The following TENM3 variants were observed in gnomAD, a reference collection of about 807,000 sequenced individuals.
TENM3 encodes the protein teneurin transmembrane protein 3, also known as teneurin-3.
A neutral mutation model predicts 255.1 loss-of-function variants in TENM3; 63 were observed. The observed-to-expected ratio is 0.25, with a 90% confidence interval of 0.20 to 0.30. The LOEUF (loss-of-function observed/expected upper bound fraction) is 0.30, where lower values mean the gene tolerates loss of function less well. Among genes scored for constraint, TENM3 ranks in the 10% least tolerant of loss-of-function variants. The pLI is 1.00. For missense variants in TENM3, 2,929 were observed against 3,461.1 expected (o/e 0.85, Z 3.86); for synonymous variants, 1,306 against 1,322.3 (o/e 0.99, Z 0.27).
At chr4:182,774,133 C>G (rs996804604) in intron 23 of TENM3, among the ~76,000 whole-genome samples, 1 of 152,172 alleles carries the variant, frequency 6.6e-6, no homozygotes, top group Non-Finnish European at 1.5e-5. Flanking sequence ...CATATAGATG[C>G]CATATCTCCA....
the TENM3 span, among the ~76,000 whole-genome samples, chr4:181,749,871 G>A: frequency 5.8e-3 from 879 of 152,204 alleles, 5 homozygotes; most frequent in Middle Eastern, 0.034. Context: ...TCTTAAAGGG[G>A]CTCCTTTAAG....
the TENM3 span, among the ~76,000 whole-genome samples, chr4:181,655,707 G>A: frequency 8.5e-5 from 13 of 152,198 alleles, no homozygotes; most frequent in African/African-American, 2.7e-4. Flanking sequence ...GTATAATGGA[G>A]TTTCAGGTAA....
the TENM3 span, among the ~76,000 whole-genome samples, chr4:181,605,949 C>T: frequency 2.6e-5 from 4 of 152,106 alleles, no homozygotes; most frequent in African/African-American, 7.2e-5. Flanking sequence ...TAATTTGGAC[C>T]GTCCACATCA....
At chr4:182,103,286 C>T in the TENM3 span, among the ~76,000 whole-genome samples, 19 of 152,112 alleles carry the variant, frequency 1.2e-4, no homozygotes, top group African/African-American at 9.7e-5. Flanking sequence ...TTAATATTGC[C>T]GAAGGCACTA....
the TENM3 span, among the ~76,000 whole-genome samples, chr4:181,637,986 A>G: frequency 6.6e-6 from 1 of 152,148 alleles, no homozygotes; most frequent in Non-Finnish European, 1.5e-5. Flanking sequence ...AGGGGTTTGG[A>G]CCACACGCAG....
At chr4:182,787,150 C>T (rs1359744706) in intron 24 of TENM3, among the ~76,000 whole-genome samples, 1 of 152,220 alleles carries the variant, frequency 6.6e-6, no homozygotes, top group Non-Finnish European at 1.5e-5. Context: ...CAGGGAGCAA[C>T]TGATATGCAG....
chr4:182,242,588 C>A (rs1012903462), upstream of TENM3, among the ~76,000 whole-genome samples: 4 of 151,964 alleles, frequency 2.6e-5, no homozygotes, highest in Admixed American at 2.6e-4. Context: ...TGGTGAAAAC[C>A]CGTCTCTACA....
intron 16 of TENM3, among the ~76,000 whole-genome samples, chr4:182,731,423 G>A (rs377364029): frequency 4.0e-5 from 6 of 151,834 alleles, no homozygotes; most frequent in South Asian, 2.1e-4. Context: ...CAGGAGAATC[G>A]CTTGAACCCA....
the TENM3 span, among the ~76,000 whole-genome samples, chr4:181,625,829 TAATAAC>T: frequency 2.7e-5 from 4 of 146,274 alleles, no homozygotes; most frequent in Admixed American, 6.7e-5. Context: ...AAAATAATAA[TAATAAC>T]AATAATAATA....
the TENM3 span, among the ~76,000 whole-genome samples, chr4:181,756,210 A>G: frequency 1.3e-5 from 2 of 152,124 alleles, no homozygotes; most frequent in Admixed American, 6.6e-5. Flanking sequence ...GAAATAACCA[A>G]TTCCCTTCTG....
intron 12 of TENM3, among the ~76,000 whole-genome samples, chr4:182,701,210 CTTTTTTTTTTTTT>C (rs35538818): frequency 5.2e-5 from 2 of 38,644 alleles, no homozygotes; most frequent in African/African-American, 2.4e-4. Context: ...CAACTCTTGA[CTTTTTTTTTTTTT>C]TTTTTTTTTT....
Position 182,673,106 on chromosome 4 carries a change from A to G in TENM3, c.1213A>G (p.Arg405Gly). 2 of 1,613,400 alleles carry G rather than the reference A, an allele frequency of 1.2e-6. No individual in the cohort carries two copies. The highest frequency in any genetic ancestry group is 1.1e-5 in the South Asian group (1 of 90,988). ...IQEIPPGIFW[R>G]SQLFIDQPQF... ...AGAGATTCCTCCCGGGATCTTCTGGAGATCACAGCTCTTCATTGATCAGCC... is the reference window on the plus strand; with the variant it reads ...AGAGATTCCTCCCGGGATCTTCTGGGGATCACAGCTCTTCATTGATCAGCC... Residue 405 changes from arginine (R) to glycine (G), a missense_variant, in exon 7 of 28, where the codon AGA becomes GGA. Arg to Gly is a moderately radical substitution (Grantham distance 125, BLOSUM62 -2). This residue lies in a region of TENM3 where 1,608 missense variants were observed against 1,884.4 expected (regional missense o/e 0.85). Coordinates refer to ENST00000511685, the MANE Select transcript of TENM3 (RefSeq NM_001080477.4).
chr4:182,412,603 C>T (rs757427586), intron 3 of TENM3, among the ~76,000 whole-genome samples: 10 of 152,024 alleles, frequency 6.6e-5, no homozygotes, highest in Non-Finnish European at 1.2e-4. Context: ...CAGTGGCTCA[C>T]GCCTGTAATC....
At chr4:182,518,737 C>A (rs1310771981) in intron 3 of TENM3, among the ~76,000 whole-genome samples, 1 of 152,114 alleles carries the variant, frequency 6.6e-6, no homozygotes, top group Non-Finnish European at 1.5e-5. Context: ...GTAACTCAGA[C>A]CTGGACCTTC....
At chr4:181,721,424 G>A in the TENM3 span, among the ~76,000 whole-genome samples, 3 of 132,080 alleles carry the variant, frequency 2.3e-5, no homozygotes, top group Non-Finnish European at 4.9e-5. Context: ...GTGAAACCCC[G>A]TCTCTACTAA....
rs952345536 is a variant in TENM3, at chr4:182,317,098, C to A, written c.-75-6848C>A. ...TTGTTACTGCAATCTTGGCTGGAAG[C>A]AAAAGGTGGCTTCTTATTTATTATT... On this transcript the variant is annotated intron_variant, in intron 1 of 27. Coordinates refer to ENST00000511685, the MANE Select transcript of TENM3 (RefSeq NM_001080477.4). Among the ~76,000 whole-genome samples, 3 of 152,158 alleles carry A rather than the reference C, an allele frequency of 2.0e-5. No individual in the cohort carries two copies. The East Asian group carries it at 5.8e-4, about 29-fold the overall frequency.
the TENM3 span, among the ~76,000 whole-genome samples, chr4:181,915,672 C>T: frequency 7.2e-4 from 57 of 79,040 alleles, no homozygotes; most frequent in Admixed American, 1.8e-3. Context: ...GAGGGGAGGA[C>T]GGAAGGGGAG....
At chr4:182,666,866 C>G (rs748221480) in intron 6 of TENM3, among the ~76,000 whole-genome samples, 2 of 151,870 alleles carry the variant, frequency 1.3e-5, no homozygotes, top group Non-Finnish European at 1.5e-5. Flanking sequence ...GGCCACTGCA[C>G]TCCAGCCTGG....
At chr4:181,945,366 C>T in the TENM3 span, among the ~76,000 whole-genome samples, 1 of 152,110 alleles carries the variant, frequency 6.6e-6, no homozygotes, top group Non-Finnish European at 1.5e-5. Context: ...GGAGCGACTG[C>T]TGCTTTCATC....
Sources: gnomAD v4.1 joint callset for allele counts (sites outside exome capture counted in the v4.1 genomes callset) on GRCh38, gnomAD v4.1.1 for gene constraint, gnomAD v4.1.1 regional missense constraint, MANE v1.5 for transcripts, NCBI Gene and HGNC (gene_info 2026-07-23, HGNC 2026-07-21) for gene names.